Variants in CACNA1C observed in about 807,000 individuals in gnomAD.
The protein encoded by CACNA1C is voltage-dependent L-type calcium channel subunit alpha-1C.
In CACNA1C, 30 loss-of-function variants were observed where a neutral mutation model predicts 229.0. The ratio of observed to expected loss-of-function variants is 0.13; its 90% CI spans 0.10 to 0.18. The LOEUF (loss-of-function observed/expected upper bound fraction) is 0.18. Among genes scored for constraint, CACNA1C ranks in the 10% least tolerant of loss-of-function variants. The probability of loss-of-function intolerance (pLI) is 1.00; values close to 1 mark genes in which losing one functional copy is unlikely to be tolerated. For synonymous variants in CACNA1C, 1,114 were observed against 1,132.5 expected, an observed-to-expected ratio of 0.98 and a Z score of 0.33; for missense variants, 1,658 against 2,845.0, an observed-to-expected ratio of 0.58 and a Z score of 9.49.
intron 3 of CACNA1C, among the ~76,000 whole-genome samples, chr12:2,230,166 G>A (rs1410685128): frequency 6.6e-6 from 1 of 152,116 alleles, no homozygotes; most frequent in African/African-American, 2.4e-5. Flanking sequence ...CTGCGACCTG[G>A]AGCCGCGGGC....
At chr12:2,004,542 G>A in intron 1 of CACNA1C, 1 of 1,465,116 alleles carries the variant, frequency 6.8e-7, no homozygotes, top group Non-Finnish European at 9.1e-7. Flanking sequence ...ACACGGCCCG[G>A]GAGGCCTTCC....
intron 3 of CACNA1C, among the ~76,000 whole-genome samples, chr12:2,336,953 C>T (rs1000950507): frequency 2.0e-5 from 3 of 152,190 alleles, no homozygotes; most frequent in African/African-American, 4.8e-5. Flanking sequence ...AGGTGGGAAG[C>T]AACAGATTGG....
intron 10 of CACNA1C, chr12:2,550,407 G>A: frequency 1.6e-6 from 1 of 625,610 alleles, no homozygotes. Context: ...GAGACAGCGA[G>A]GTTAGGGCCC....
Position 2,029,184 on chromosome 12 carries a change from C to T in CACNA1C, c.139+57983C>T, listed in dbSNP as rs2154491447. Among the ~76,000 whole-genome samples, 1 of 152,328 alleles carries T rather than the reference C, an allele frequency of 6.6e-6. No individual in the cohort carries two copies. The highest frequency in any genetic ancestry group is 6.5e-5 in the Admixed American group (1 of 15,312). ...AGGGCAGGGGGCAGGGAAGGAGAGA[C>T]TCCTGACACAGTCCTGGGAACCTGC... On this transcript the variant is annotated intron_variant, in intron 1 of 46. Coordinates refer to the CACNA1C transcript ENST00000682462. This position sits in a 1 kb window ranked among gnomAD's most constrained non-coding sequence, Gnocchi z 4.9.
chr12:2,549,718 A>G (rs2099893399), intron 9 of CACNA1C, among the ~76,000 whole-genome samples: 1 of 152,180 alleles, frequency 6.6e-6, no homozygotes. Context: ...ATGTCCTCCC[A>G]TACTTCCATT....
intron 3 of CACNA1C, among the ~76,000 whole-genome samples, chr12:2,376,590 CT>C (rs1012951097): frequency 6.6e-6 from 1 of 152,160 alleles, no homozygotes; most frequent in African/African-American, 2.4e-5. Context: ...ACTTTGCTTG[CT>C]TCCCAAGGAT....
At chr12:2,339,888 A>G (rs1173653280) in intron 3 of CACNA1C, among the ~76,000 whole-genome samples, 1 of 152,258 alleles carries the variant, frequency 6.6e-6, no homozygotes, top group Non-Finnish European at 1.5e-5. Context: ...CTCAGACCAA[A>G]GGGATACTAC....
At position 2,597,491 on chromosome 12, in the gene CACNA1C, C is replaced by T; in HGVS notation, c.2853+202C>T. On this transcript the variant is annotated intron_variant, in intron 21 of 46. Coordinates refer to ENST00000399655, the MANE Select transcript of CACNA1C (RefSeq NM_000719.7). The surrounding 1 kb of genome is among the most constrained non-coding windows in gnomAD (Gnocchi z 4.3). ...TAGTATCTTTACATTAGAAATTATC[C>T]TTAAGGTAATGCAACCTGGGCAATG... 6.3e-6 allele frequency: 10 copies of T among 1,597,312 alleles called. No homozygotes were observed. Among genetic ancestry groups the T allele is most frequent in the South Asian group, 1.1e-5 (1 of 90,722 alleles).
At chr12:2,668,903 A>T in intron 37 of CACNA1C, 30 bp from the exon 38 acceptor site, 1 of 1,518,160 alleles carries the variant, frequency 6.6e-7, no homozygotes. Context: ...GCCTGCCATC[A>T]TCACCAGCTT....
At chr12:2,532,265 C>G (rs903339917) in intron 9 of CACNA1C, among the ~76,000 whole-genome samples, 30 of 152,168 alleles carry the variant, frequency 2.0e-4, no homozygotes, top group African/African-American at 7.2e-4. Context: ...CAGCACTGAG[C>G]AGAGAGGAGC....
chr12:2,477,713 G>A (rs547279338), intron 5 of CACNA1C, among the ~76,000 whole-genome samples: 5 of 152,228 alleles, frequency 3.3e-5, no homozygotes, highest in East Asian at 3.9e-4. Flanking sequence ...CAGCCTCTCC[G>A]AGTGGTCCTT....
intron 1 of CACNA1C, among the ~76,000 whole-genome samples, chr12:2,010,132 C>A (rs551349217): frequency 2.0e-5 from 3 of 152,028 alleles, no homozygotes; most frequent in Non-Finnish European, 4.4e-5. Flanking sequence ...GTGTTCAAAT[C>A]AAAAAAATTC....
At position 2,275,384 on chromosome 12, in the gene CACNA1C, C is replaced by A. The variant is rs779755740; in HGVS notation, c.477+154954C>A. Among the ~76,000 whole-genome samples the A allele has an allele frequency of 6.6e-6, 1 of 152,172 alleles. No individual in the cohort carries two copies. The highest frequency in any genetic ancestry group is 1.5e-5 in the Non-Finnish European group (1 of 68,024). ...CAGGGGACAGTCCTGCTGGCTGTGT[C>A]TTCCCGGAAGGCTCGTGCCCGCACA... On this transcript the variant is annotated intron_variant, in intron 3 of 46. Transcript: ENST00000399655. The surrounding 1 kb of genome is among the most constrained non-coding windows in gnomAD (Gnocchi z 4.1).
Position 2,457,551 on chromosome 12 carries a change from C to G in CACNA1C, c.618-16C>G, listed in dbSNP as rs1163411677. 2 of 1,606,850 alleles carry G rather than the reference C, an allele frequency of 1.2e-6. No homozygotes were observed. The highest frequency in any genetic ancestry group is 1.1e-5 in the South Asian group (1 of 89,992). ...AACCCAGTCCTGACAGTCCTTCTCTCTTTCCTCTCTTCTAGGCTTTTTAGT... is the reference window on the plus strand; with the variant it reads ...AACCCAGTCCTGACAGTCCTTCTCTGTTTCCTCTCTTCTAGGCTTTTTAGT... On this transcript the variant is annotated splice_polypyrimidine_tract_variant and intron_variant, in intron 4 of 46. Coordinates refer to ENST00000399655, the MANE Select transcript of CACNA1C (RefSeq NM_000719.7).
intron 13 of CACNA1C, among the ~76,000 whole-genome samples, chr12:2,572,562 T>TC (rs2056084987): frequency 6.5e-5 from 2 of 30,556 alleles, no homozygotes; most frequent in Non-Finnish European, 6.4e-5. Context: ...CTCCTTCTCC[T>TC]CTCCTCCTCC....
intron 3 of CACNA1C, among the ~76,000 whole-genome samples, chr12:2,245,906 A>G (rs2072976196): frequency 6.6e-6 from 1 of 152,168 alleles, no homozygotes; most frequent in African/African-American, 2.4e-5. Context: ...GAATTCTGAA[A>G]TGCATTTGGC....
chr12:2,297,859 CA>C (rs535726415), intron 3 of CACNA1C, among the ~76,000 whole-genome samples: 3 of 149,632 alleles, frequency 2.0e-5, no homozygotes, highest in East Asian at 3.9e-4. Flanking sequence ...ACCAAAGAAA[CA>C]AAAAAAAACC....
chr12:2,204,950 A>G (rs1566375715), intron 3 of CACNA1C, among the ~76,000 whole-genome samples: 1 of 150,988 alleles, frequency 6.6e-6, no homozygotes, highest in Non-Finnish European at 1.5e-5. Context: ...AAAAAAATAA[A>G]TTAATTAAAA....
intron 3 of CACNA1C, among the ~76,000 whole-genome samples, chr12:2,382,845 C>A (rs114047627): frequency 1.4e-3 from 211 of 152,272 alleles, no homozygotes; most frequent in African/African-American, 4.9e-3. Flanking sequence ...CATCCGAGAT[C>A]TTGAGATGGG....
Sources: gnomAD v4.1 joint callset for allele counts (sites outside exome capture counted in the v4.1 genomes callset) on GRCh38, gnomAD v4.1.1 for gene constraint, Gnocchi (gnomAD v3.1) non-coding constraint, MANE v1.5 for transcripts, NCBI Gene and HGNC (gene_info 2026-07-23, HGNC 2026-07-21) for gene names.